The following LCA5L variants were observed in gnomAD, a reference collection of about 807,000 sequenced individuals.
LCA5L encodes lebercilin LCA5 like.
A neutral mutation model predicts 45.4 loss-of-function variants in LCA5L; 35 were observed. The observed-to-expected ratio is 0.77, with a 90% CI of 0.59 to 1.02. The LOEUF (loss-of-function observed/expected upper bound fraction) is 1.02. Ranked by LOEUF, LCA5L falls within the 50% of genes least tolerant of loss-of-function variation. LCA5L has a pLI of 0.00. For synonymous variants in LCA5L, 233 were observed against 264.7 expected, an observed-to-expected ratio of 0.88 and a Z score of 1.16; for missense variants, 668 against 761.6, an observed-to-expected ratio of 0.88 and a Z score of 1.45.
chr21:39,406,650 A>T, intron 10 of LCA5L, 38 bp from the exon 11 acceptor site: 1 of 1,465,400 alleles, frequency 6.8e-7, no homozygotes, highest in Non-Finnish European at 9.2e-7. Flanking sequence ...GCTGTTTAAA[A>T]TGAATGGATC....
At chr21:39,406,976 C>T (rs148146646) in intron 10 of LCA5L, among the ~76,000 whole-genome samples, 58 of 152,272 alleles carry the variant, frequency 3.8e-4, no homozygotes, top group African/African-American at 1.3e-3. Context: ...CCTGTAATTC[C>T]GGCACTTTGG....
chr21:39,442,008 G>A (rs2076914740), intron 2 of LCA5L, among the ~76,000 whole-genome samples: 2 of 152,164 alleles, frequency 1.3e-5, no homozygotes, highest in Admixed American at 1.3e-4. Flanking sequence ...CTATTTTTGT[G>A]GGCCTTATGT....
At chr21:39,443,038 C>A (rs1209830918) in intron 2 of LCA5L, among the ~76,000 whole-genome samples, 1 of 152,156 alleles carries the variant, frequency 6.6e-6, no homozygotes, top group Non-Finnish European at 1.5e-5. Flanking sequence ...CAAGGGAAGA[C>A]AGTGTTTGTA....
intron 3 of LCA5L, among the ~76,000 whole-genome samples, chr21:39,433,822 T>C (rs1019506477): frequency 6.6e-6 from 1 of 150,506 alleles, no homozygotes; most frequent in African/African-American, 2.4e-5. Flanking sequence ...TGGAGTGCAG[T>C]GGCACGATCT....
intron 1 of LCA5L, among the ~76,000 whole-genome samples, chr21:39,444,486 A>G (rs2077215990): frequency 6.6e-6 from 1 of 152,208 alleles, no homozygotes; most frequent in Non-Finnish European, 1.5e-5. Flanking sequence ...GGAAGTTGTA[A>G]TTTATATAAG....
intron 3 of LCA5L, among the ~76,000 whole-genome samples, chr21:39,433,149 G>A (rs147650161): frequency 9.2e-5 from 14 of 152,286 alleles, no homozygotes; most frequent in African/African-American, 3.4e-4. Flanking sequence ...GGGCACGGTG[G>A]CTCATGCCTG....
intron 7 of LCA5L, among the ~76,000 whole-genome samples, chr21:39,415,565 C>T (rs1208754613): frequency 6.6e-6 from 1 of 152,124 alleles, no homozygotes; most frequent in Non-Finnish European, 1.5e-5. Flanking sequence ...CTTTTAAAAC[C>T]TAACTGCAGT....
chr21:39,441,496 C>CTA (rs967495038), intron 2 of LCA5L, among the ~76,000 whole-genome samples: 9 of 152,012 alleles, frequency 5.9e-5, no homozygotes, highest in African/African-American at 2.2e-4. Context: ...TGAAATATAC[C>CTA]TATATATATA....
At position 39,406,407 on chromosome 21, in the gene LCA5L, G is replaced by A. The variant is rs754990383; in HGVS notation, c.1488C>T (p.Ser496=). The part of the protein sequence containing the change: ...DVLVREKFKR[S]MQRNGVDDTL... ...TGTCATCCACACCATTTCTCTGCAT[G>A]CTTCTTTTAAACTTTTCTCTTACTA... Residue 496 remains serine (S), a synonymous_variant, in exon 11 of 11, where the codon AGC becomes AGT. Coordinates refer to ENST00000288350, the MANE Select transcript of LCA5L (RefSeq NM_152505.4). 3.3e-5 allele frequency: 54 copies of A among 1,613,852 alleles called. No homozygotes were observed. The Middle Eastern group carries it at 9.9e-4, about 30-fold the overall frequency.
intron 7 of LCA5L, among the ~76,000 whole-genome samples, chr21:39,417,423 A>C (rs1049333026): frequency 2.6e-5 from 4 of 152,230 alleles, no homozygotes; most frequent in African/African-American, 9.6e-5. Context: ...CATGAAATCT[A>C]GGTTCTAGAG....
At chr21:39,410,461 A>G in intron 8 of LCA5L, 94 bp from the exon 9 acceptor site, 1 of 652,992 alleles carries the variant, frequency 1.5e-6, no homozygotes. Flanking sequence ...CAATGTAATA[A>G]TAAAGTATAC....
chr21:39,435,425 GTTCT>G lies in LCA5L; in HGVS notation c.-101_-98del, dbSNP rs1332478975. On this transcript the variant is annotated 5_prime_UTR_variant, in exon 3 of 11. Transcript: ENST00000288350. ...TGAAAGTGATTACTGCATACCTGGTGTTCTTTATTAAACTTCCCTAAGATGTCTG... is the reference window on the plus strand; with the variant it reads ...TGAAAGTGATTACTGCATACCTGGTGTTATTAAACTTCCCTAAGATGTCTG... 1.3e-5 allele frequency: 2 copies of G among 152,184 alleles called. No homozygotes were observed. Among genetic ancestry groups the G allele is most frequent in the Non-Finnish European group, 2.9e-5 (2 of 68,040 alleles). 9.4% of individuals were successfully genotyped at this position (152,184 alleles called of 1,614,324 possible).
intron 2 of LCA5L, among the ~76,000 whole-genome samples, chr21:39,440,761 A>G (rs2076757117): frequency 6.6e-6 from 1 of 152,224 alleles, no homozygotes; most frequent in Admixed American, 6.5e-5. Context: ...TGCCACAAGC[A>G]CAGCCTGTCT....
At chr21:39,414,753 T>C (rs1165151847) in intron 7 of LCA5L, among the ~76,000 whole-genome samples, 1 of 148,770 alleles carries the variant, frequency 6.7e-6, no homozygotes, top group African/African-American at 2.6e-5. Context: ...TGTGTGTGTG[T>C]GTGTGTGTGT....
chr21:39,442,318 G>A (rs559167949), intron 2 of LCA5L, among the ~76,000 whole-genome samples: 6 of 152,330 alleles, frequency 3.9e-5, no homozygotes, highest in African/African-American at 9.6e-5. Flanking sequence ...GTCTTGAGAC[G>A]CAGGCGGGGG....
At position 39,406,393 on chromosome 21, in the gene LCA5L, C is replaced by A. The variant is rs201717530; in HGVS notation, c.1502G>T (p.Gly501Val). 4.3e-6 allele frequency: 7 copies of A among 1,613,470 alleles called. No individual in the cohort carries two copies. The Admixed American group carries it at 1.2e-4, about 27-fold the overall frequency. Residue 501 changes from glycine (G) to valine (V), a missense_variant, in exon 11 of 11, where the codon GGT (glycine) becomes GTT (valine). By Grantham distance (109) the Gly-to-Val change is moderately radical. Transcript: ENST00000288350. ...EKFKRSMQRNGVDDTLGKGTA... is the reference protein window; with the variant it reads ...EKFKRSMQRNVVDDTLGKGTA... Reference sequence around the variant, plus strand: ...GCCTTTGCCAAGTGTGTCATCCACACCATTTCTCTGCATGCTTCTTTTAAA... The same window carrying A: ...GCCTTTGCCAAGTGTGTCATCCACAACATTTCTCTGCATGCTTCTTTTAAA...
At chr21:39,440,708 A>T (rs537169548) in intron 2 of LCA5L, among the ~76,000 whole-genome samples, 1 of 152,338 alleles carries the variant, frequency 6.6e-6, no homozygotes, top group East Asian at 1.9e-4. Flanking sequence ...ACTAGTGTCC[A>T]TGGGCACTTG....
chr21:39,409,488 T>G lies in LCA5L; in HGVS notation c.1282+491A>C, dbSNP rs898917763. On this transcript the variant is annotated intron_variant, in intron 10 of 10. Coordinates refer to ENST00000288350, the MANE Select transcript of LCA5L (RefSeq NM_152505.4). The surrounding 1 kb of genome is among the most constrained non-coding windows in gnomAD (Gnocchi z 4.2). ...TGGGCAGGGCGAGGGGATATGATTG[T>G]GAAGGGCCCAAGGGTGTTCCAAGGA... Among the ~76,000 whole-genome samples, 4 of 152,116 alleles carry G rather than the reference T, an allele frequency of 2.6e-5. No homozygotes were observed. The highest frequency in any genetic ancestry group is 5.9e-5 in the Non-Finnish European group (4 of 68,024).
At chr21:39,406,884 T>A (rs1371175772) in intron 10 of LCA5L, among the ~76,000 whole-genome samples, 1 of 152,078 alleles carries the variant, frequency 6.6e-6, no homozygotes, top group East Asian at 1.9e-4. Flanking sequence ...AATTTGCCAA[T>A]AAGGTTATTA....
Sources: gnomAD v4.1 joint callset for allele counts (sites outside exome capture counted in the v4.1 genomes callset) on GRCh38, gnomAD v4.1.1 for gene constraint, Gnocchi (gnomAD v3.1) non-coding constraint, MANE v1.5 for transcripts, NCBI Gene and HGNC (gene_info 2026-07-23, HGNC 2026-07-21) for gene names.